C10orf90: variants seen among roughly 807,000 people sequenced by gnomAD.
C10orf90 encodes the protein chromosome 10 open reading frame 90, also known as (E2-independent) E3 ubiquitin-conjugating enzyme FATS.
A neutral mutation model predicts 62.5 loss-of-function variants in C10orf90; 56 were observed. The ratio of observed to expected loss-of-function variants is 0.90; its 90% CI spans 0.72 to 1.12. The LOEUF is 1.12. C10orf90 is among the 50% of genes most tolerant of loss of function. The pLI is 0.00. For synonymous variants in C10orf90, 386 were observed against 340.4 expected, an observed-to-expected ratio of 1.13 and a Z score of -1.47; for missense variants, 970 against 880.4, an observed-to-expected ratio of 1.10 and a Z score of -1.29.
At chr10:126,481,646 A>C (rs1257707313) in intron 4 of C10orf90, among the ~76,000 whole-genome samples, 1 of 152,152 alleles carries the variant, frequency 6.6e-6, no homozygotes, top group Non-Finnish European at 1.5e-5. Context: ...CCATGTTGGC[A>C]GGTACCAGCG....
chr10:126,521,773 T>C (rs1279451909), intron 2 of C10orf90, among the ~76,000 whole-genome samples: 2 of 152,240 alleles, frequency 1.3e-5, no homozygotes, highest in Non-Finnish European at 2.9e-5. Context: ...ATGCAAGCTC[T>C]TATAAGACTG....
At chr10:126,552,723 G>A (rs76715716) in intron 2 of C10orf90, among the ~76,000 whole-genome samples, 1,734 of 152,356 alleles carry the variant, frequency 0.011, 27 homozygotes, top group African/African-American at 0.037. Flanking sequence ...GCGCATATGC[G>A]CAAAGGCAGA....
At chr10:126,578,370 C>A (rs1844668584) in intron 2 of C10orf90, among the ~76,000 whole-genome samples, 1 of 152,100 alleles carries the variant, frequency 6.6e-6, no homozygotes, top group Non-Finnish European at 1.5e-5. Flanking sequence ...AGCTTATAAG[C>A]AAAGGGAAAT....
At chr10:126,512,989 T>C (rs1388460020) in intron 3 of C10orf90, among the ~76,000 whole-genome samples, 1 of 152,184 alleles carries the variant, frequency 6.6e-6, no homozygotes. Context: ...TTAACAGGTA[T>C]CTTTGCCACT....
intron 2 of C10orf90, among the ~76,000 whole-genome samples, chr10:126,540,526 C>G (rs1471485444): frequency 6.6e-6 from 1 of 152,056 alleles, no homozygotes; most frequent in Non-Finnish European, 1.5e-5. Context: ...AAGCGTGGTG[C>G]CACGTGCCTA....
intron 4 of C10orf90, among the ~76,000 whole-genome samples, chr10:126,470,749 CA>C (rs201564373): frequency 0.024 from 1,953 of 82,208 alleles, 18 homozygotes; most frequent in African/African-American, 0.047. Flanking sequence ...GACTCTGTCT[CA>C]AAAAAAAAAA....
Position 126,455,945 on chromosome 10 carries a change from C to T in C10orf90, c.2188+3095G>A, listed in dbSNP as rs180788444. 2.3e-4 allele frequency among the ~76,000 whole-genome samples: 35 copies of T among 152,330 alleles called. No homozygotes were observed. The East Asian group carries it at 3.5e-3, about 15-fold the overall frequency. On this transcript the variant is annotated intron_variant, in intron 7 of 9. Transcript: ENST00000488181. Reference sequence around the variant, plus strand: ...TGGCTTCTCTGGCATTGTCAGCTGCCGGGGCTCCCACTTGAACCTTTCAGG... The same window carrying T: ...TGGCTTCTCTGGCATTGTCAGCTGCTGGGGCTCCCACTTGAACCTTTCAGG...
intron 2 of C10orf90, among the ~76,000 whole-genome samples, chr10:126,600,602 T>C (rs1845180454): frequency 6.6e-6 from 1 of 152,182 alleles, no homozygotes; most frequent in Non-Finnish European, 1.5e-5. Context: ...ATCTCATTAA[T>C]GCTCTGAATT....
chr10:126,631,699 T>C (rs1845853595), intron 2 of C10orf90, among the ~76,000 whole-genome samples: 1 of 151,698 alleles, frequency 6.6e-6, no homozygotes, highest in Non-Finnish European at 1.5e-5. Context: ...GCCTCTGAGA[T>C]TGCAGAACAC....
chr10:126,576,707 A>ACATATACATATTATC (rs1564879095), intron 2 of C10orf90, among the ~76,000 whole-genome samples: 3 of 41,404 alleles, frequency 7.2e-5, no homozygotes, highest in Non-Finnish European at 1.6e-4. Flanking sequence ...ATGTATATGT[A>ACATATACATATTATC]TATATATACA....
chr10:126,428,255 T>C (rs1452403086), intron 8 of C10orf90, among the ~76,000 whole-genome samples: 1 of 152,084 alleles, frequency 6.6e-6, no homozygotes, highest in Non-Finnish European at 1.5e-5. Context: ...TCAGGAGATA[T>C]CACTGTGGGT....
At chr10:126,577,259 T>C (rs7921565) in intron 2 of C10orf90, among the ~76,000 whole-genome samples, 3,730 of 151,976 alleles carry the variant, frequency 0.025, 148 homozygotes, top group African/African-American at 0.084. Context: ...ACCCCATGAA[T>C]ATGTACAATT....
intron 7 of C10orf90, among the ~76,000 whole-genome samples, chr10:126,438,597 A>G (rs1271981222): frequency 1.3e-5 from 2 of 152,214 alleles, no homozygotes; most frequent in Non-Finnish European, 1.5e-5. Flanking sequence ...TCTGGAATGC[A>G]TTGTCGTTAG....
intron 3 of C10orf90, among the ~76,000 whole-genome samples, chr10:126,505,953 T>C (rs1862707405): frequency 1.3e-5 from 2 of 152,064 alleles, no homozygotes; most frequent in African/African-American, 4.8e-5. Context: ...AAACTTCGTC[T>C]CTCTCACACA....
intron 2 of C10orf90, among the ~76,000 whole-genome samples, chr10:126,602,068 C>G (rs900698144): frequency 6.6e-6 from 1 of 152,224 alleles, no homozygotes; most frequent in African/African-American, 2.4e-5. Context: ...AAGCTGGCCC[C>G]TCTTACATGA....
intron 2 of C10orf90, among the ~76,000 whole-genome samples, chr10:126,615,486 GA>G (rs1009154707): frequency 1.2e-4 from 18 of 152,134 alleles, no homozygotes; most frequent in Admixed American, 9.2e-4. Flanking sequence ...CATTATCTAT[GA>G]AAAAAAGATG....
intron 2 of C10orf90, among the ~76,000 whole-genome samples, chr10:126,545,070 C>G (rs1864460356): frequency 6.6e-6 from 1 of 152,308 alleles, no homozygotes; most frequent in South Asian, 2.1e-4. Context: ...AAATAAGCAT[C>G]TTACAGCTTA....
At chr10:126,556,087 C>T (rs1864765624) in intron 2 of C10orf90, among the ~76,000 whole-genome samples, 1 of 152,204 alleles carries the variant, frequency 6.6e-6, no homozygotes, top group Non-Finnish European at 1.5e-5. Flanking sequence ...AAACGAGTCT[C>T]CACTTTCTGA....
intron 2 of C10orf90, among the ~76,000 whole-genome samples, chr10:126,569,970 C>T (rs1844472149): frequency 6.6e-6 from 1 of 152,220 alleles, no homozygotes. Context: ...CTTCACAGCA[C>T]ATTCCATGGT....
Sources: gnomAD v4.1 joint callset for allele counts (sites outside exome capture counted in the v4.1 genomes callset) on GRCh38, gnomAD v4.1.1 for gene constraint, MANE v1.5 for transcripts, NCBI Gene and HGNC (gene_info 2026-07-23, HGNC 2026-07-21) for gene names.